PHF14: variants seen among roughly 807,000 people sequenced by gnomAD.
PHF14 encodes the protein PHD finger protein 14.
PHF14 carries 55 observed loss-of-function variants against 117.9 expected under a neutral mutation model. The ratio of observed to expected loss-of-function variants is 0.47; its 90% CI spans 0.38 to 0.58. PHF14 has a LOEUF of 0.58. Among genes scored for constraint, PHF14 ranks in the 20% least tolerant of loss-of-function variants. The pLI, the probability that PHF14 is intolerant of heterozygous loss-of-function variation, is 0.00. For synonymous variants in PHF14, 409 were observed against 368.6 expected (o/e 1.11, Z -1.26); for missense variants, 978 against 1,122.2 (o/e 0.87, Z 1.84).
In PHF14 at chr7:11,138,300, C is replaced by T. The variant is rs572879935; in HGVS notation, c.2772+26833C>T. Among the ~76,000 whole-genome samples, 10 of 151,452 alleles carry T rather than the reference C, an allele frequency of 6.6e-5. 1 individual carries two copies. Among genetic ancestry groups the T allele is most frequent in the African/African-American group, 2.2e-4 (9 of 41,306 alleles). On this transcript the variant is annotated intron_variant, in intron 17 of 17. Transcript: ENST00000634607. Reference sequence around the variant, plus strand: ...TCGTGATCCACCCGCCTCGGCCCCCCAAAGTGCTGGGATTACAGGCGTGAG... The same window carrying T: ...TCGTGATCCACCCGCCTCGGCCCCCTAAAGTGCTGGGATTACAGGCGTGAG...
At chr7:11,010,772 T>C (rs1189962363) in intron 4 of PHF14, among the ~76,000 whole-genome samples, 1 of 152,070 alleles carries the variant, frequency 6.6e-6, no homozygotes, top group East Asian at 1.9e-4. Flanking sequence ...CACCTCAGCC[T>C]TTCTAGCACC....
At chr7:11,000,778 T>G (rs1481754589) in intron 4 of PHF14, among the ~76,000 whole-genome samples, 1 of 152,158 alleles carries the variant, frequency 6.6e-6, no homozygotes, top group Non-Finnish European at 1.5e-5. Context: ...ATCAGATAGG[T>G]CTTTTGCAAA....
intron 6 of PHF14, among the ~76,000 whole-genome samples, chr7:11,027,261 T>C (rs999998353): frequency 3.9e-5 from 6 of 152,200 alleles, no homozygotes; most frequent in Admixed American, 2.0e-4. Flanking sequence ...AGATTGCTAT[T>C]TGCCAGTATA....
chr7:11,063,581 A>G lies in PHF14; in HGVS notation c.2654+1496A>G, dbSNP rs183933951. On this transcript the variant is annotated intron_variant, in intron 16 of 17. Coordinates refer to ENST00000634607, the MANE Select transcript of PHF14 (RefSeq NM_001007157.2). ...ATTATTTGAACCTGTATGAGTATCT[A>G]CTGTGTCTTACTAATTTTTTTTTTT... 3.7e-5 allele frequency: 36 copies of G among 966,702 alleles called. No individual in the cohort carries two copies. In the East Asian group the frequency reaches 3.4e-3, roughly 92 times the overall value. The allele number at this position is 966,702 out of a possible 1,614,324, so 59.9% of individuals were successfully genotyped here.
rs778308824 is a variant in PHF14, at chr7:11,038,837, A to T, written c.2058A>T (p.Leu686=). ...RSEGQGIWAL[L]GRITGQKLNI... is the part of the protein sequence containing the mutation. ...AAGGACAAGGAATATGGGCTTTACT[A>T]GGCAGAATCACAGGGCAGGTTAGTT... Residue 686 remains leucine, a synonymous_variant, in exon 11 of 18, where the codon CTA becomes CTT. Coordinates refer to ENST00000634607, the MANE Select transcript of PHF14 (RefSeq NM_001007157.2). 1.3e-6 allele frequency: 2 copies of T among 1,558,506 alleles called. No homozygotes were observed. Among genetic ancestry groups the T allele is most frequent in the Admixed American group, 3.5e-5 (2 of 56,926 alleles).
At chr7:11,122,352 T>TATATATATATATACACACACACAC in intron 17 of PHF14, among the ~76,000 whole-genome samples, 4 of 65,872 alleles carry the variant, frequency 6.1e-5, no homozygotes, top group South Asian at 5.1e-4. Context: ...TATATATATA[T>TATATATATATATACACACACACAC]ACACACACAC....
At chr7:10,995,461 C>A (rs1450240415) in intron 4 of PHF14, among the ~76,000 whole-genome samples, 3 of 152,352 alleles carry the variant, frequency 2.0e-5, no homozygotes, top group African/African-American at 7.2e-5. Flanking sequence ...TCCAAGTCCC[C>A]ACTAGACTCG....
chr7:11,116,225 C>T (rs1787598604), intron 17 of PHF14, among the ~76,000 whole-genome samples: 2 of 151,928 alleles, frequency 1.3e-5, no homozygotes, highest in South Asian at 4.1e-4. Flanking sequence ...TACTTTCTTG[C>T]CGAAGGTCTT....
At chr7:11,001,591 T>G (rs1290288679) in intron 4 of PHF14, among the ~76,000 whole-genome samples, 1 of 68,870 alleles carries the variant, frequency 1.5e-5, no homozygotes, top group African/African-American at 6.1e-5. Context: ...GTTTTCTTCA[T>G]AGAGATCTTG....
rs906609914 is a variant in PHF14 at position 11,080,886 on chromosome 7, C to T, written c.2654+18801C>T. ...ATATTACTAATCCATGTGTTAATTGCGCTACAACAGTAATGAAGATAATGT... is the reference window on the plus strand; with the variant it reads ...ATATTACTAATCCATGTGTTAATTGTGCTACAACAGTAATGAAGATAATGT... On this transcript the variant is annotated intron_variant, in intron 16 of 17. Coordinates refer to ENST00000634607, the MANE Select transcript of PHF14 (RefSeq NM_001007157.2). 3.9e-5 allele frequency among the ~76,000 whole-genome samples: 6 copies of T among 152,074 alleles called. 1 individual carries two copies. The highest frequency in any genetic ancestry group is 4.1e-4 in the South Asian group (2 of 4,832).
intron 15 of PHF14, 29 bp downstream of exon 15, chr7:11,061,870 G>A: frequency 6.6e-7 from 1 of 1,526,402 alleles, no homozygotes; most frequent in African/African-American, 1.4e-5. Flanking sequence ...CTTTTACACA[G>A]TCTTAACTTT....
intron 16 of PHF14, chr7:11,102,519 C>T: frequency 6.2e-7 from 1 of 1,610,862 alleles, no homozygotes; most frequent in Non-Finnish European, 8.5e-7. Flanking sequence ...TGCCACAGCT[C>T]ATCCTCGGAG....
At chr7:11,025,406 T>C (rs191715859) in intron 6 of PHF14, among the ~76,000 whole-genome samples, 21 of 152,282 alleles carry the variant, frequency 1.4e-4, no homozygotes, top group Admixed American at 5.9e-4. Flanking sequence ...AGTTCTACCA[T>C]GGGTAAAATG....
intron 4 of PHF14, among the ~76,000 whole-genome samples, chr7:10,994,318 A>T (rs767921401): frequency 1.5e-4 from 23 of 152,188 alleles, no homozygotes; most frequent in Non-Finnish European, 3.1e-4. Flanking sequence ...ATGTGCCTGT[A>T]GTCCTAGTTA....
In PHF14 at chr7:11,035,775, C is replaced by G; in HGVS notation, c.1591C>G (p.Pro531Ala). ...GCAAGAGAGAGAGAAGCAACTATCA[C>G]CAGAAGCACAGGTATGGGATTCATG... is the stretch of plus-strand genomic sequence containing the variant. ...SLQEREKQLS[P>A]EAQARINARL... Residue 531 changes from proline to alanine, a missense_variant, in exon 8 of 18, where the codon CCA becomes GCA. By Grantham distance (27) the Pro-to-Ala change is conservative. Coordinates refer to ENST00000634607, the MANE Select transcript of PHF14 (RefSeq NM_001007157.2). 3 of 1,604,958 alleles carry G rather than the reference C, an allele frequency of 1.9e-6. No individual in the cohort carries two copies. The highest frequency in any genetic ancestry group is 2.6e-6 in the Non-Finnish European group (3 of 1,175,206).
intron 16 of PHF14, chr7:11,071,230 T>C (rs1785602550): frequency 1.9e-6 from 1 of 518,138 alleles, no homozygotes; most frequent in Admixed American, 1.9e-5. Flanking sequence ...CCTAGTACAC[T>C]AGCTCTGATA....
intron 8 of PHF14, 50 bp from the exon 9 acceptor site, chr7:11,036,366 GAA>G (rs1321563031): frequency 6.5e-5 from 91 of 1,398,816 alleles, no homozygotes; most frequent in Non-Finnish European, 8.3e-5. Context: ...AAATCTTAAG[GAA>G]CATGTTTCAT....
At chr7:11,056,694 A>C (rs1785030693) in intron 14 of PHF14, among the ~76,000 whole-genome samples, 1 of 151,126 alleles carries the variant, frequency 6.6e-6, no homozygotes, top group African/African-American at 2.4e-5. Flanking sequence ...TTGAAAGACA[A>C]ATATTTTTAG....
chr7:11,085,731 G>A (rs1583451597), intron 16 of PHF14, among the ~76,000 whole-genome samples: 1 of 151,662 alleles, frequency 6.6e-6, no homozygotes, highest in African/African-American at 2.4e-5. Context: ...GCTAATTTTT[G>A]TGTTTTTTTA....
Sources: gnomAD v4.1 joint callset for allele counts (sites outside exome capture counted in the v4.1 genomes callset) on GRCh38, gnomAD v4.1.1 for gene constraint, MANE v1.5 for transcripts, NCBI Gene and HGNC (gene_info 2026-07-23, HGNC 2026-07-21) for gene names.